The following ARIH1 variants were observed in gnomAD, a reference collection of about 807,000 sequenced individuals.
ARIH1 encodes the protein ariadne RBR E3 ubiquitin protein ligase 1.
Under a neutral mutation model 85.0 loss-of-function variants are expected in ARIH1, and 8 were observed. The ratio of observed to expected loss-of-function variants is 0.09; its 90% CI spans 0.06 to 0.17. The LOEUF is 0.17. Ranked by LOEUF, ARIH1 falls within the 10% of genes least tolerant of loss-of-function variation. The probability of loss-of-function intolerance (pLI) is 1.00; values close to 1 mark genes in which losing one functional copy is unlikely to be tolerated. For missense variants in ARIH1, 311 were observed against 718.1 expected (o/e 0.43, Z 6.48); for synonymous variants, 238 against 253.6 (o/e 0.94, Z 0.59).
chr15:72,497,168 T>G (rs1429343210), intron 1 of ARIH1, among the ~76,000 whole-genome samples: 1 of 152,254 alleles, frequency 6.6e-6, no homozygotes, highest in Non-Finnish European at 1.5e-5. Context: ...ATTAATTGAT[T>G]CATGGAGCTG....
chr15:72,497,317 ATAATC>A (rs970576575), intron 1 of ARIH1, among the ~76,000 whole-genome samples: 2 of 152,204 alleles, frequency 1.3e-5, no homozygotes, highest in African/African-American at 2.4e-5. Flanking sequence ...TTTGATGAAA[ATAATC>A]TAAATCTTCC....
chr15:72,543,803 A>T (rs1031785977), intron 2 of ARIH1, among the ~76,000 whole-genome samples: 13 of 152,158 alleles, frequency 8.5e-5, no homozygotes, highest in African/African-American at 3.1e-4. Flanking sequence ...ACCAGATTGC[A>T]CATTAATATT....
At chr15:72,543,099 A>G (rs903526924) in intron 2 of ARIH1, among the ~76,000 whole-genome samples, 2 of 151,166 alleles carry the variant, frequency 1.3e-5, no homozygotes, top group Non-Finnish European at 2.9e-5. Context: ...CGCCCAGCTA[A>G]TTTTTTTGTA....
intron 1 of ARIH1, among the ~76,000 whole-genome samples, chr15:72,512,781 A>G (rs2063956117): frequency 1.3e-5 from 2 of 151,984 alleles, no homozygotes; most frequent in South Asian, 4.1e-4. Flanking sequence ...GGATTTAGCA[A>G]AAGATGGTTT....
intron 6 of ARIH1, 31 bp downstream of exon 6, chr15:72,561,580 G>A: frequency 4.6e-6 from 6 of 1,296,618 alleles, no homozygotes; most frequent in Admixed American, 2.2e-5. Context: ...CTTGTAAGAA[G>A]GAATTCTGTT....
At chr15:72,527,894 C>T (rs368209317) in intron 2 of ARIH1, among the ~76,000 whole-genome samples, 32 of 152,248 alleles carry the variant, frequency 2.1e-4, no homozygotes, top group African/African-American at 7.2e-4. Flanking sequence ...CTACACATAA[C>T]GCAGTTCCTA....
chr15:72,550,825 C>T (rs543473487), intron 3 of ARIH1, among the ~76,000 whole-genome samples: 2 of 152,186 alleles, frequency 1.3e-5, no homozygotes, highest in Admixed American at 1.3e-4. Flanking sequence ...GTGTGTGCCA[C>T]CATGCCCAGC....
intron 11 of ARIH1, 96 bp from the exon 12 acceptor site, chr15:72,580,635 G>T: frequency 8.6e-7 from 1 of 1,167,372 alleles, no homozygotes; most frequent in African/African-American, 1.5e-5. Flanking sequence ...TAACAGGTGT[G>T]AAGTGAGACT....
intron 1 of ARIH1, among the ~76,000 whole-genome samples, chr15:72,500,995 A>G (rs1187717466): frequency 6.6e-6 from 1 of 152,334 alleles, no homozygotes; most frequent in East Asian, 1.9e-4. Flanking sequence ...GTTTATGTAG[A>G]CGTGTTCTTA....
At chr15:72,514,049 A>G (rs961814957) in intron 1 of ARIH1, among the ~76,000 whole-genome samples, 1 of 150,922 alleles carries the variant, frequency 6.6e-6, no homozygotes, top group African/African-American at 2.4e-5. Context: ...CATGTTGCTC[A>G]GACTGGTCTC....
rs3028452 is a variant in ARIH1, at chr15:72,489,247, C to CAAA, written c.375+14253_375+14255dup. Reference sequence around the variant, plus strand: ...TAGGCAACAGGGTGAGACCATGTCTCAAAAAAAAAAAAAAAAAAAAAAGAC... The same window carrying CAAA: ...TAGGCAACAGGGTGAGACCATGTCTCAAAAAAAAAAAAAAAAAAAAAAAAAGAC... On this transcript the variant is annotated intron_variant, in intron 1 of 13. Coordinates refer to ENST00000379887, the MANE Select transcript of ARIH1 (RefSeq NM_005744.5). Among the ~76,000 whole-genome samples, 324 of 80,708 alleles carry CAAA rather than the reference C, an allele frequency of 4.0e-3. 1 individual carries two copies. Among genetic ancestry groups the CAAA allele is most frequent in the East Asian group, 9.1e-3 (23 of 2,540 alleles). The allele number at this position is 80,708 out of a possible 152,430, so 52.9% of individuals were successfully genotyped here.
In ARIH1 at chr15:72,533,453, A is replaced by G. The variant is rs1595863489; in HGVS notation, c.444-11367A>G. On this transcript the variant is annotated intron_variant, in intron 2 of 13. Coordinates refer to ENST00000379887, the MANE Select transcript of ARIH1 (RefSeq NM_005744.5). ...GCTGTTAATATTCACTGACAATGTG[A>G]TTGTGTATTCACAAACAATGTGATT... Among the ~76,000 whole-genome samples the G allele has an allele frequency of 2.0e-5, 3 of 152,332 alleles. No homozygotes were observed. The South Asian group carries it at 6.2e-4, about 32-fold the overall frequency.
intron 2 of ARIH1, among the ~76,000 whole-genome samples, chr15:72,542,043 T>A (rs189576203): frequency 1.3e-5 from 2 of 152,238 alleles, no homozygotes; most frequent in Admixed American, 1.3e-4. Context: ...TTCCAATAGA[T>A]GAAACAACCC....
intron 3 of ARIH1, among the ~76,000 whole-genome samples, chr15:72,548,302 A>G (rs2064138129): frequency 6.6e-6 from 1 of 152,202 alleles, no homozygotes; most frequent in Admixed American, 6.5e-5. Flanking sequence ...AGCAAGTCCA[A>G]GGAAGAGAGA....
intron 1 of ARIH1, among the ~76,000 whole-genome samples, chr15:72,478,444 A>G (rs1321228799): frequency 1.3e-5 from 2 of 152,222 alleles, no homozygotes; most frequent in African/African-American, 2.4e-5. Context: ...ATGTAACTAT[A>G]TAAGTAGCTA....
chr15:72,560,232 A>C (rs1309199303), intron 5 of ARIH1, among the ~76,000 whole-genome samples: 1 of 152,158 alleles, frequency 6.6e-6, no homozygotes, highest in Non-Finnish European at 1.5e-5. Flanking sequence ...TATACAGATA[A>C]CTGTCTAATT....
intron 1 of ARIH1, among the ~76,000 whole-genome samples, chr15:72,493,866 T>C (rs2063869174): frequency 7.1e-6 from 1 of 140,932 alleles, no homozygotes; most frequent in Non-Finnish European, 1.6e-5. Flanking sequence ...TTATAAACTT[T>C]TTTAAAGGAT....
chr15:72,558,973 T>C (rs2064186193), intron 5 of ARIH1, among the ~76,000 whole-genome samples: 1 of 152,214 alleles, frequency 6.6e-6, no homozygotes, highest in Non-Finnish European at 1.5e-5. Flanking sequence ...ACATTCCTTA[T>C]TATTATTTAT....
chr15:72,535,473 C>T (rs987691396), intron 2 of ARIH1, among the ~76,000 whole-genome samples: 5 of 152,158 alleles, frequency 3.3e-5, no homozygotes, highest in Non-Finnish European at 5.9e-5. Context: ...TTAAATGGAA[C>T]TTAATTATAT....
Sources: allele counts gnomAD v4.1 joint callset (sites outside exome capture counted in the v4.1 genomes callset), GRCh38; gene constraint gnomAD v4.1.1; transcripts MANE v1.5; gene names NCBI Gene and HGNC (gene_info 2026-07-23, HGNC 2026-07-21).